Variants in KRT2 observed in about 807,000 individuals in gnomAD.
KRT2 encodes the protein keratin, type II cytoskeletal 2 epidermal.
A neutral mutation model predicts 48.5 loss-of-function variants in KRT2; 37 were observed. That is an observed-to-expected ratio of 0.76 (90% CI 0.59 to 1.00). The LOEUF is 1.00. Ranked by LOEUF, KRT2 falls within the 50% of genes least tolerant of loss-of-function variation. The probability of loss-of-function intolerance (pLI) is 0.00; values close to 1 mark genes in which losing one functional copy is unlikely to be tolerated. For missense variants in KRT2, 880 were observed against 815.2 expected (o/e 1.08, Z -0.97); for synonymous variants, 324 against 312.2 (o/e 1.04, Z -0.40).
At chr12:52,645,755 C>T (rs1387534483) in intron 7 of KRT2, among the ~76,000 whole-genome samples, 186 bp from the exon 8 acceptor site, 1 of 152,216 alleles carries the variant, frequency 6.6e-6, no homozygotes, top group Non-Finnish European at 1.5e-5. Flanking sequence ...CATTTATGCA[C>T]AACCTTGCAT....
Position 52,649,917 on chromosome 12 carries a change from T to C in KRT2, c.858A>G (p.Lys286=). The C allele has an allele frequency of 6.2e-7, 1 of 1,613,292 alleles. No individual in the cohort carries two copies. The highest frequency in any genetic ancestry group is 8.5e-7 in the Non-Finnish European group (1 of 1,179,212). ...TAAENDFVTL[K]KDVDNAYMIK... ...GCCAAGACATTCTCTCGCTCACCTT[T>C]TTAAGCGTCACAAAATCATTCTCAG... The change falls in exon 3 of 9, where the codon AAA becomes AAG. Residue 286 remains lysine, a synonymous_variant. Coordinates refer to ENST00000309680, the MANE Select transcript of KRT2 (RefSeq NM_000423.3).
Position 52,651,880 on chromosome 12 carries a change from C to G in KRT2, c.263G>C (p.Gly88Ala). Reference sequence around the variant, plus strand: ...AAAACCACCTCCTCTGCCACCAAATCCACCAGCGGCGCCAAAGCCACCACC... The same window carrying G: ...AAAACCACCTCCTCTGCCACCAAATGCACCAGCGGCGCCAAAGCCACCACC... The part of the protein sequence containing the change: ...GGGGGFGAAG[G>A]FGGRGGGFGG... Residue 88 changes from glycine to alanine, a missense_variant, in exon 1 of 9, where the codon GGA becomes GCA. Transcript: ENST00000309680. The G allele has an allele frequency of 6.2e-7, 1 of 1,609,166 alleles. No individual in the cohort carries two copies. Among genetic ancestry groups the G allele is most frequent in the Non-Finnish European group, 8.5e-7 (1 of 1,177,160 alleles).
intron 6 of KRT2, 50 bp downstream of exon 6, chr12:52,647,680 C>T (rs1052449427): frequency 1.2e-6 from 2 of 1,607,608 alleles, no homozygotes; most frequent in Non-Finnish European, 1.7e-6. Context: ...CACTCTCACG[C>T]ACACCCAGAG....
rs1355586485 is a variant in KRT2, at chr12:52,651,625, T to G, written c.518A>C (p.Asn173Thr). Reference protein sequence around the residue: ...LNVKVDPEIQNVKAQEREQIK... With the variant: ...LNVKVDPEIQTVKAQEREQIK... ...CTGCTCACGCTCTTGGGCCTTCACA[T>G]TCTGGATCTCTGGGTCAACTTTCAC... Residue 173 changes from asparagine to threonine, a missense_variant, in exon 1 of 9, where the codon AAT (asparagine) becomes ACT (threonine). Physicochemically the swap from Asn to Thr is moderately conservative, Grantham distance 65. Transcript: ENST00000309680. The G allele has an allele frequency of 6.2e-7, 1 of 1,614,118 alleles. No individual in the cohort carries two copies. Among genetic ancestry groups the G allele is most frequent in the South Asian group, 1.1e-5 (1 of 91,064 alleles).
chr12:52,651,110 C>A (rs1468635446), intron 1 of KRT2, among the ~76,000 whole-genome samples: 1 of 152,156 alleles, frequency 6.6e-6, no homozygotes, highest in Non-Finnish European at 1.5e-5. Context: ...AAACTGAGAA[C>A]GCTTCTCTTG....
At chr12:52,651,427 C>G in intron 1 of KRT2, 131 bp downstream of exon 1, 2 of 769,280 alleles carry the variant, frequency 2.6e-6, no homozygotes, top group Non-Finnish European at 4.6e-6. Flanking sequence ...ATCTGGAAAC[C>G]GCAAATGACC....
rs779176929 is a variant in KRT2 at position 52,652,040 on chromosome 12, T to C, written c.103A>G (p.Arg35Gly). 20 of 1,606,224 alleles carry C rather than the reference T, an allele frequency of 1.2e-5. No individual in the cohort carries two copies. The highest frequency in any genetic ancestry group is 1.7e-5 in the Non-Finnish European group (20 of 1,179,924). The change falls in exon 1 of 9, where the codon AGA becomes GGA. Residue 35 changes from arginine (R) to glycine (G), a missense_variant. By Grantham distance (125) the Arg-to-Gly change is moderately radical. Coordinates refer to ENST00000309680, the MANE Select transcript of KRT2 (RefSeq NM_000423.3). Reference sequence around the variant, plus strand: ...AAGCAGGAGAAGCTGGAAGTTGATCTCCGGCTTCCACCAGACACCACAGCT... The same window carrying C: ...AAGCAGGAGAAGCTGGAAGTTGATCCCCGGCTTCCACCAGACACCACAGCT... ...GSAVVSGGSR[R>G]STSSFSCLSR...
In KRT2 at chr12:52,647,451, G is replaced by A. The variant is rs529206384; in HGVS notation, c.1248+279C>T. ...TCTGCAGCAAATCAATCAAACTAAC[G>A]TTTGCTCTATTTGTTATGACTCCCT... On this transcript the variant is annotated intron_variant, in intron 6 of 8. Transcript: ENST00000309680. 1.9e-3 allele frequency among the ~76,000 whole-genome samples: 294 copies of A among 152,268 alleles called. 1 individual carries two copies. The highest frequency in any genetic ancestry group is 3.1e-3 in the Non-Finnish European group (213 of 68,006).
Position 52,645,005 on chromosome 12 carries a change from G to A in KRT2, c.*14C>T, listed in dbSNP as rs766184973. The A allele has an allele frequency of 3.7e-6, 6 of 1,613,782 alleles. No homozygotes were observed. Among genetic ancestry groups the A allele is most frequent in the South Asian group, 2.2e-5 (2 of 91,044 alleles). ...GTCTGGGTTGGGAGAGTCGGTGGTG[G>A]TGGGGGCTCATCTTTATCTAAAAGA... is the stretch of plus-strand genomic sequence containing the variant. On this transcript the variant is annotated 3_prime_UTR_variant, in exon 9 of 9. Coordinates refer to ENST00000309680, the MANE Select transcript of KRT2 (RefSeq NM_000423.3).
rs1296825075 is a variant in KRT2, at chr12:52,650,442, T to C, written c.697A>G (p.Ile233Val). 2 of 1,614,064 alleles carry C rather than the reference T, an allele frequency of 1.2e-6. No homozygotes were observed. The highest frequency in any genetic ancestry group is 2.2e-5 in the East Asian group (1 of 44,908). Residue 233 changes from isoleucine (I) to valine (V), a missense_variant, in exon 2 of 9, where the codon ATC (isoleucine) becomes GTC (valine). Coordinates refer to ENST00000309680, the MANE Select transcript of KRT2 (RefSeq NM_000423.3). ...INLEPIFQGYIDSLKRYLDGL... is the reference protein window; with the variant it reads ...INLEPIFQGYVDSLKRYLDGL... ...TCCAGATATCTCTTGAGGCTGTCGATATACCCCTGGAAGATGGGCTCCAGG... is the reference window on the plus strand; with the variant it reads ...TCCAGATATCTCTTGAGGCTGTCGACATACCCCTGGAAGATGGGCTCCAGG...
In KRT2 at chr12:52,646,871, C is replaced by T. The variant is rs377766242; in HGVS notation, c.1338G>A (p.Glu446=). ...CCTCCTTGGCCTGCTGCAGGGCCTC[C>T]TCCAGGTCATTCAACTTGTTCCTGG... ...KDARNKLNDL[E]EALQQAKEDL... The change falls in exon 7 of 9, where the codon GAG becomes GAA. Residue 446 remains glutamate, a synonymous_variant. Transcript: ENST00000309680. The T allele has an allele frequency of 5.1e-5, 83 of 1,614,096 alleles. No individual in the cohort carries two copies. Among genetic ancestry groups the T allele is most frequent in the Middle Eastern group, 3.3e-4 (2 of 6,084 alleles).
In KRT2 at chr12:52,645,253, T is replaced by G; in HGVS notation, c.1686A>C (p.Gly562=). The G allele has an allele frequency of 6.2e-7, 1 of 1,613,822 alleles. No individual in the cohort carries two copies. The highest frequency in any genetic ancestry group is 8.5e-7 in the Non-Finnish European group (1 of 1,179,966). The stretch of plus-strand genomic sequence containing the variant: ...CTCCAGAACCACCGCCAGAGCCATA[T>G]CCTCCTCCAGAGATAGAACCTCCTC... The part of the protein sequence containing the change: ...SGGGGSISGG[G]YGSGGGSGGR... Residue 562 remains glycine, a synonymous_variant, in exon 9 of 9, where the codon GGA becomes GGC. Coordinates refer to ENST00000309680, the MANE Select transcript of KRT2 (RefSeq NM_000423.3).
At chr12:52,649,253 G>C (rs544109794) in intron 3 of KRT2, 151 bp from the exon 4 acceptor site, 3 of 680,000 alleles carry the variant, frequency 4.4e-6, no homozygotes, top group Non-Finnish European at 8.2e-6. Flanking sequence ...TTCTTTTGTC[G>C]TGCAGTTTAC....
rs548721828 is a variant in KRT2 at position 52,648,579 on chromosome 12, A to C, written c.958-242T>G. Among the ~76,000 whole-genome samples the C allele has an allele frequency of 2.0e-5, 3 of 152,312 alleles. No homozygotes were observed. In the East Asian group the frequency reaches 5.8e-4, roughly 29 times the overall value. ...TTCAGCACTTAAGCCAGTTATGGTA[A>C]GTGCCCCCAGACAGAAGCTTGTCCA... On this transcript the variant is annotated intron_variant, in intron 4 of 8. Coordinates refer to ENST00000309680, the MANE Select transcript of KRT2 (RefSeq NM_000423.3).
At chr12:52,649,875 T>C (rs1256858410) in intron 3 of KRT2, 39 bp downstream of exon 3, 2 of 1,530,996 alleles carry the variant, frequency 1.3e-6, no homozygotes, top group Non-Finnish European at 9.1e-7. Flanking sequence ...TGTGAAGCAC[T>C]CCTATCCCCA....
chr12:52,648,597 C>T (rs1021379348), intron 4 of KRT2, among the ~76,000 whole-genome samples: 3 of 152,192 alleles, frequency 2.0e-5, no homozygotes, highest in African/African-American at 7.2e-5. Flanking sequence ...CAGACAGAAG[C>T]TTGTCCATGG....
chr12:52,649,889 C>G (rs1041991141), intron 3 of KRT2, 25 bp downstream of exon 3: 4 of 1,601,064 alleles, frequency 2.5e-6, no homozygotes, highest in Non-Finnish European at 2.6e-6. Context: ...ATCCCCACCC[C>G]CAGCCAAGAC....
Position 52,646,860 on chromosome 12 carries a change from T to G in KRT2, c.1349A>C (p.Gln450Pro), listed in dbSNP as rs759672739. The G allele has an allele frequency of 6.2e-7, 1 of 1,614,190 alleles. No homozygotes were observed. The highest frequency in any genetic ancestry group is 2.2e-5 in the East Asian group (1 of 44,880). ...CCGCGCCAAGTCCTCCTTGGCCTGC[T>G]GCAGGGCCTCCTCCAGGTCATTCAA... is the stretch of plus-strand genomic sequence containing the variant. ...NKLNDLEEALQQAKEDLARLL... is the reference protein window; with the variant it reads ...NKLNDLEEALPQAKEDLARLL... Residue 450 changes from glutamine (Q) to proline (P), a missense_variant, in exon 7 of 9, where the codon CAG becomes CCG. Gln to Pro is a moderately conservative substitution (Grantham distance 76). Coordinates refer to ENST00000309680, the MANE Select transcript of KRT2 (RefSeq NM_000423.3).
intron 7 of KRT2, 125 bp from the exon 8 acceptor site, chr12:52,645,694 C>T: frequency 1.1e-6 from 1 of 899,210 alleles, no homozygotes; most frequent in Non-Finnish European, 1.8e-6. Flanking sequence ...GGCTTACACA[C>T]CCCACTTTCT....
Sources: allele counts gnomAD v4.1 joint callset (sites outside exome capture counted in the v4.1 genomes callset), GRCh38; gene constraint gnomAD v4.1.1; transcripts MANE v1.5; gene names NCBI Gene and HGNC (gene_info 2026-07-23, HGNC 2026-07-21).